ZNF423: variants seen among roughly 807,000 people sequenced by gnomAD.
ZNF423 encodes the protein Ebf-associated zinc finger protein.
ZNF423 carries 12 observed loss-of-function variants against 95.8 expected under a neutral mutation model. The observed-to-expected ratio is 0.13, with a 90% CI of 0.08 to 0.20. The LOEUF (loss-of-function observed/expected upper bound fraction) is 0.20. ZNF423 is among the 10% of genes least tolerant of loss of function. The pLI is 1.00. For missense variants in ZNF423, 1,316 were observed against 1,737.1 expected (o/e 0.76, Z 4.31); for synonymous variants, 749 against 711.9 (o/e 1.05, Z -0.83).
At chr16:49,593,434 C>CAA (rs879826593) in intron 5 of ZNF423, among the ~76,000 whole-genome samples, 2 of 143,924 alleles carry the variant, frequency 1.4e-5, no homozygotes, top group African/African-American at 5.1e-5. Flanking sequence ...GACCTTGTCT[C>CAA]AAAAAAAAAA....
chr16:49,584,715 T>C (rs1172035956), intron 5 of ZNF423, among the ~76,000 whole-genome samples: 1 of 152,198 alleles, frequency 6.6e-6, no homozygotes, highest in African/African-American at 2.4e-5. Flanking sequence ...GCATCCCTGA[T>C]GTCTCTCTGT....
chr16:49,536,172 A>G (rs1969048372), intron 5 of ZNF423, among the ~76,000 whole-genome samples: 1 of 152,208 alleles, frequency 6.6e-6, no homozygotes, highest in African/African-American at 2.4e-5. Flanking sequence ...TTCCCCATCC[A>G]GGTAAATACA....
At chr16:49,641,836 C>T (rs925105867) in intron 3 of ZNF423, among the ~76,000 whole-genome samples, 3 of 152,140 alleles carry the variant, frequency 2.0e-5, no homozygotes, top group Admixed American at 6.5e-5. Context: ...AGCAGCTGTC[C>T]GAGGCTGGAG....
At chr16:49,721,474 T>C (rs1013616535) in intron 3 of ZNF423, among the ~76,000 whole-genome samples, 2 of 151,906 alleles carry the variant, frequency 1.3e-5, no homozygotes, top group Non-Finnish European at 2.9e-5. Context: ...ACAACCAGCC[T>C]AAAGGCCAGT....
chr16:49,747,047 G>A (rs1226213932), intron 2 of ZNF423, among the ~76,000 whole-genome samples: 2 of 152,106 alleles, frequency 1.3e-5, no homozygotes, highest in Non-Finnish European at 2.9e-5. Flanking sequence ...GACAGAGATC[G>A]GGGGAAAGAG....
chr16:49,817,392 G>GTT (rs2034872693), intron 1 of ZNF423, among the ~76,000 whole-genome samples: 4 of 152,224 alleles, frequency 2.6e-5, no homozygotes, highest in Non-Finnish European at 5.9e-5. Flanking sequence ...TGCACTTGCA[G>GTT]AAGTCCACTC....
chr16:49,809,605 C>T (rs1276261757), intron 1 of ZNF423, among the ~76,000 whole-genome samples: 4 of 152,288 alleles, frequency 2.6e-5, no homozygotes, highest in South Asian at 4.2e-4. Flanking sequence ...CCAGAGGCTC[C>T]GCTCTGCACC....
At chr16:49,659,932 G>A (rs1032546818) in intron 3 of ZNF423, among the ~76,000 whole-genome samples, 6 of 152,358 alleles carry the variant, frequency 3.9e-5, no homozygotes, top group African/African-American at 9.6e-5. Flanking sequence ...TGCCAAATGA[G>A]TCAATGGATG....
chr16:49,831,278 ATTTTATCTTTGT>A (rs2035058334), intron 1 of ZNF423, among the ~76,000 whole-genome samples: 2 of 152,230 alleles, frequency 1.3e-5, no homozygotes, highest in African/African-American at 4.8e-5. Flanking sequence ...TTCTTTATTC[ATTTTATCTTTGT>A]AAATCTCTCT....
intron 5 of ZNF423, among the ~76,000 whole-genome samples, chr16:49,532,991 G>A (rs1968913122): frequency 1.3e-5 from 2 of 152,186 alleles, no homozygotes; most frequent in South Asian, 2.1e-4. Context: ...GGGCACGTGG[G>A]TGTGGGTGGG....
intron 3 of ZNF423, among the ~76,000 whole-genome samples, chr16:49,648,439 C>T (rs1003158415): frequency 2.0e-5 from 3 of 147,774 alleles, no homozygotes; most frequent in Non-Finnish European, 4.5e-5. Context: ...GTCGGGAGTT[C>T]GAGACCAGCC....
chr16:49,721,064 C>A (rs968194932), intron 3 of ZNF423, among the ~76,000 whole-genome samples: 4 of 152,228 alleles, frequency 2.6e-5, no homozygotes, highest in Non-Finnish European at 5.9e-5. Flanking sequence ...TGCTGATGTA[C>A]ACACGGTGAT....
At chr16:49,816,107 C>G (rs2034851956) in intron 1 of ZNF423, among the ~76,000 whole-genome samples, 1 of 151,198 alleles carries the variant, frequency 6.6e-6, no homozygotes, top group South Asian at 2.1e-4. Flanking sequence ...TTAGTGGAGG[C>G]AGGATTTCAC....
intron 3 of ZNF423, among the ~76,000 whole-genome samples, chr16:49,645,222 C>T (rs1489193290): frequency 2.6e-5 from 4 of 152,140 alleles, no homozygotes; most frequent in Non-Finnish European, 5.9e-5. Context: ...ATACAGAGCT[C>T]CAAGAATAGG....
chr16:49,660,458 G>T (rs530627425), intron 3 of ZNF423, among the ~76,000 whole-genome samples: 119 of 152,308 alleles, frequency 7.8e-4, no homozygotes, highest in African/African-American at 2.8e-3. Context: ...CCACTCAAGA[G>T]GCCCCTGTAA....
chr16:49,531,460 T>A (rs1287032410), intron 5 of ZNF423, among the ~76,000 whole-genome samples: 1 of 151,774 alleles, frequency 6.6e-6, no homozygotes, highest in African/African-American at 2.4e-5. Context: ...AGAGGACCCC[T>A]CCGACACCAT....
intron 2 of ZNF423, among the ~76,000 whole-genome samples, chr16:49,758,962 G>T (rs1056213869): frequency 6.6e-6 from 1 of 152,130 alleles, no homozygotes; most frequent in Non-Finnish European, 1.5e-5. Flanking sequence ...AGCTTGCAAA[G>T]TTCTATTTCT....
intron 1 of ZNF423, among the ~76,000 whole-genome samples, chr16:49,815,904 ATATATATATATTTTTTT>A (rs2034842846): frequency 4.3e-5 from 2 of 46,592 alleles, no homozygotes; most frequent in Admixed American, 2.7e-4. Flanking sequence ...ATATATATAT[ATATATATATATTTTTTT>A]TTTTTTTTTT....
intron 2 of ZNF423, among the ~76,000 whole-genome samples, chr16:49,735,133 C>A (rs74016948): frequency 6.6e-6 from 1 of 152,144 alleles, no homozygotes; most frequent in Non-Finnish European, 1.5e-5. Flanking sequence ...GGTTCAGCAA[C>A]GGCTCTGCTG....
Sources: gnomAD v4.1 joint callset for allele counts (sites outside exome capture counted in the v4.1 genomes callset) on GRCh38, gnomAD v4.1.1 for gene constraint, MANE v1.5 for transcripts, NCBI Gene and HGNC (gene_info 2026-07-23, HGNC 2026-07-21) for gene names.